The following NEK11 variants were observed in gnomAD, a reference collection of about 807,000 sequenced individuals.
NEK11 encodes NIMA related kinase 11.
NEK11 carries 72 observed loss-of-function variants against 80.7 expected under a neutral mutation model. That is an observed-to-expected ratio of 0.89 (90% CI 0.74 to 1.08). The LOEUF is 1.08. Among genes scored for constraint, NEK11 ranks in the 50% least tolerant of loss-of-function variants. NEK11 has a pLI of 0.00. For missense variants in NEK11, 764 were observed against 763.6 expected, an observed-to-expected ratio of 1.00 and a Z score of -0.01; for synonymous variants, 251 against 260.7, an observed-to-expected ratio of 0.96 and a Z score of 0.36.
chr3:131,321,681 G>A (rs899978058), intron 17 of NEK11, among the ~76,000 whole-genome samples: 5 of 152,078 alleles, frequency 3.3e-5, no homozygotes, highest in Non-Finnish European at 5.9e-5. Flanking sequence ...TAAAAAATGG[G>A]CAAGACATGG....
intron 5 of NEK11, among the ~76,000 whole-genome samples, chr3:131,110,864 C>T (rs895002477): frequency 1.1e-4 from 17 of 152,248 alleles, no homozygotes; most frequent in Admixed American, 1.0e-3. Flanking sequence ...CTTGTTGATA[C>T]AGATAGCTAC....
At chr3:131,037,908 T>G (rs1160485402) in intron 3 of NEK11, among the ~76,000 whole-genome samples, 1 of 152,172 alleles carries the variant, frequency 6.6e-6, no homozygotes, top group East Asian at 1.9e-4. Flanking sequence ...CCAGTGGTTA[T>G]CTGTGATGGG....
intron 14 of NEK11, among the ~76,000 whole-genome samples, chr3:131,179,906 A>G (rs1222622563): frequency 1.3e-5 from 2 of 152,184 alleles, no homozygotes; most frequent in African/African-American, 4.8e-5. Context: ...TCTCAATTGT[A>G]TTGGTCAGGC....
intron 17 of NEK11, among the ~76,000 whole-genome samples, chr3:131,344,902 C>T (rs187390210): frequency 4.6e-5 from 7 of 152,174 alleles, no homozygotes; most frequent in African/African-American, 7.2e-5. Context: ...CAGGCCCCAC[C>T]GCCAACAGTG....
At chr3:131,168,443 GCCT>G (rs1560757713) in intron 12 of NEK11, among the ~76,000 whole-genome samples, 1 of 148,518 alleles carries the variant, frequency 6.7e-6, no homozygotes, top group African/African-American at 2.5e-5. Flanking sequence ...TGCAAGCTCC[GCCT>G]CCCGGGTTCA....
At chr3:131,155,446 T>C (rs1351709989) in intron 10 of NEK11, among the ~76,000 whole-genome samples, 1 of 152,212 alleles carries the variant, frequency 6.6e-6, no homozygotes, top group African/African-American at 2.4e-5. Flanking sequence ...ATAATAACCA[T>C]AAATGGCTTT....
intron 17 of NEK11, among the ~76,000 whole-genome samples, chr3:131,342,020 G>C (rs1212343723): frequency 6.6e-6 from 1 of 152,108 alleles, no homozygotes; most frequent in Non-Finnish European, 1.5e-5. Flanking sequence ...TTTTAGAAAT[G>C]GTTTTTAACA....
intron 17 of NEK11, among the ~76,000 whole-genome samples, chr3:131,343,876 T>C (rs1307910563): frequency 6.6e-6 from 1 of 152,184 alleles, no homozygotes; most frequent in Non-Finnish European, 1.5e-5. Flanking sequence ...GGGCCTGTCA[T>C]GGGAGGGGCT....
chr3:131,107,209 T>C (rs2079319491), intron 4 of NEK11, among the ~76,000 whole-genome samples: 1 of 152,108 alleles, frequency 6.6e-6, no homozygotes, highest in Non-Finnish European at 1.5e-5. Context: ...TAGCTTGTCC[T>C]TAGTAAGGTT....
chr3:131,091,604 T>A (rs1269232832), intron 4 of NEK11, among the ~76,000 whole-genome samples: 1 of 152,196 alleles, frequency 6.6e-6, no homozygotes, highest in African/African-American at 2.4e-5. Context: ...ATATAAAATG[T>A]ATAGAATTTA....
chr3:131,078,653 ACT>A (rs1314464094), intron 3 of NEK11, among the ~76,000 whole-genome samples: 2 of 152,202 alleles, frequency 1.3e-5, no homozygotes, highest in Non-Finnish European at 2.9e-5. Flanking sequence ...TGTTTGAATT[ACT>A]GAGAAGTTAA....
At chr3:131,197,170 A>G (rs1456806428) in intron 14 of NEK11, among the ~76,000 whole-genome samples, 3 of 152,136 alleles carry the variant, frequency 2.0e-5, no homozygotes, top group Non-Finnish European at 4.4e-5. Flanking sequence ...TAGTCAGCCT[A>G]GGAAATCCAG....
chr3:131,292,577 G>A (rs1240793148), intron 17 of NEK11, among the ~76,000 whole-genome samples: 1 of 150,694 alleles, frequency 6.6e-6, no homozygotes, highest in African/African-American at 2.4e-5. Flanking sequence ...GTGCAGTGGT[G>A]TGATGATAGC....
intron 15 of NEK11, among the ~76,000 whole-genome samples, chr3:131,238,426 G>A (rs1044351956): frequency 2.6e-5 from 4 of 152,246 alleles, no homozygotes; most frequent in African/African-American, 4.8e-5. Context: ...AGATATTGTG[G>A]AATACGTGAA....
intron 15 of NEK11, among the ~76,000 whole-genome samples, chr3:131,238,778 A>C (rs1278394154): frequency 6.6e-6 from 1 of 152,120 alleles, no homozygotes; most frequent in Non-Finnish European, 1.5e-5. Context: ...GATCATAGTG[A>C]GCAAAAAGAT....
intron 16 of NEK11, among the ~76,000 whole-genome samples, chr3:131,249,068 C>G (rs1228733751): frequency 5.3e-5 from 8 of 150,684 alleles, no homozygotes; most frequent in Non-Finnish European, 1.0e-4. Flanking sequence ...ACACATTTAT[C>G]TCTGCTTGAA....
intron 17 of NEK11, among the ~76,000 whole-genome samples, chr3:131,310,765 G>C (rs1581754850): frequency 6.6e-6 from 1 of 152,306 alleles, no homozygotes; most frequent in Non-Finnish European, 1.5e-5. Context: ...AAAGACAGGA[G>C]TCACACAGCA....
intron 14 of NEK11, among the ~76,000 whole-genome samples, chr3:131,199,149 A>C (rs1218939173): frequency 1.3e-5 from 2 of 152,240 alleles, no homozygotes; most frequent in Admixed American, 6.5e-5. Context: ...CATAATAAAG[A>C]TAAAAGACAA....
chr3:131,113,558 T>TA (rs1373572916), intron 5 of NEK11, among the ~76,000 whole-genome samples: 1 of 152,154 alleles, frequency 6.6e-6, no homozygotes, highest in East Asian at 1.9e-4. Flanking sequence ...AGGACTCTTC[T>TA]AATAGTGTTT....
Sources: allele counts gnomAD v4.1 joint callset (sites outside exome capture counted in the v4.1 genomes callset), GRCh38; gene constraint gnomAD v4.1.1; transcripts MANE v1.5; gene names NCBI Gene and HGNC (gene_info 2026-07-23, HGNC 2026-07-21).